KCNIP4: variants seen among roughly 807,000 people sequenced by gnomAD.
The protein encoded by KCNIP4 is Kv channel-interacting protein 4.
In KCNIP4, 12 loss-of-function variants were observed where a neutral mutation model predicts 34.0. That is an observed-to-expected ratio of 0.35 (90% CI 0.23 to 0.57). KCNIP4 has a LOEUF of 0.57. Ranked by LOEUF, KCNIP4 falls within the 20% of genes least tolerant of loss-of-function variation. KCNIP4 has a pLI of 0.83. For missense variants in KCNIP4, 238 were observed against 311.7 expected, an observed-to-expected ratio of 0.76 and a Z score of 1.78; for synonymous variants, 124 against 102.2, an observed-to-expected ratio of 1.21 and a Z score of -1.29.
chr4:21,277,832 G>C (rs1762531153), intron 1 of KCNIP4, among the ~76,000 whole-genome samples: 1 of 152,132 alleles, frequency 6.6e-6, no homozygotes, highest in African/African-American at 2.4e-5. Flanking sequence ...AACAGTGAAA[G>C]AAAAGAAATC....
chr4:21,055,353 C>T (rs1232419135), intron 1 of KCNIP4, among the ~76,000 whole-genome samples: 1 of 152,090 alleles, frequency 6.6e-6, no homozygotes, highest in Non-Finnish European at 1.5e-5. Flanking sequence ...TTTGGAAAAC[C>T]TTTTGGCAGT....
intron 1 of KCNIP4, among the ~76,000 whole-genome samples, chr4:21,419,985 G>T (rs560205547): frequency 1.5e-4 from 23 of 152,218 alleles, no homozygotes; most frequent in African/African-American, 5.1e-4. Flanking sequence ...TAAACAAAGA[G>T]ATTTCAGTTG....
At chr4:21,104,038 T>A (rs1404188343) in intron 1 of KCNIP4, among the ~76,000 whole-genome samples, 2 of 135,772 alleles carry the variant, frequency 1.5e-5, no homozygotes, top group African/African-American at 6.2e-5. Context: ...AGTGCCTCAA[T>A]AAACATACAT....
At chr4:20,851,505 T>C in intron 2 of KCNIP4, among the ~76,000 whole-genome samples, 1 of 152,208 alleles carries the variant, frequency 6.6e-6, no homozygotes, top group East Asian at 1.9e-4. Context: ...TGCAGGCATG[T>C]ATCTTTATAA....
chr4:21,003,542 C>T (rs1466441206), intron 1 of KCNIP4, among the ~76,000 whole-genome samples: 1 of 152,072 alleles, frequency 6.6e-6, no homozygotes, highest in East Asian at 1.9e-4. Flanking sequence ...TGAAAAGACA[C>T]AAAAAATAGA....
intron 1 of KCNIP4, among the ~76,000 whole-genome samples, chr4:20,953,606 C>T (rs143711817): frequency 0.014 from 2,083 of 152,040 alleles, 19 homozygotes; most frequent in Middle Eastern, 0.037. Context: ...TGGTTGAGCC[C>T]GGGAGGCAGA....
At chr4:21,568,033 C>G (rs1225071786) in intron 1 of KCNIP4, among the ~76,000 whole-genome samples, 1 of 152,114 alleles carries the variant, frequency 6.6e-6, no homozygotes, top group African/African-American at 2.4e-5. Flanking sequence ...CCCATGATAA[C>G]TTGCCCTGAG....
At position 21,364,577 on chromosome 4, in the gene KCNIP4, A is replaced by AT. The variant is rs548625086; in HGVS notation, c.62-481869dup. ...TCAGTTAGGATAGTATCTCATGATA[A>AT]TTTTTTTTTCTTTTTACAATATAGC... On this transcript the variant is annotated intron_variant, in intron 1 of 8. Coordinates refer to ENST00000382152, the MANE Select transcript of KCNIP4 (RefSeq NM_025221.6). Among the ~76,000 whole-genome samples, 925 of 151,728 alleles carry AT rather than the reference A, an allele frequency of 6.1e-3. 11 individuals carry two copies. Among genetic ancestry groups the AT allele is most frequent in the African/African-American group, 0.021 (888 of 41,408 alleles).
intron 1 of KCNIP4, among the ~76,000 whole-genome samples, chr4:21,710,227 C>T (rs150604963): frequency 6.6e-6 from 1 of 152,162 alleles, no homozygotes; most frequent in Non-Finnish European, 1.5e-5. Flanking sequence ...ATCCTCTGTG[C>T]CTTTTGAATG....
chr4:20,950,530 C>T (rs1732672336), intron 1 of KCNIP4, among the ~76,000 whole-genome samples: 1 of 152,104 alleles, frequency 6.6e-6, no homozygotes, highest in Admixed American at 6.5e-5. Context: ...AATCCCCAAG[C>T]CACTGAGAAG....
chr4:21,713,475 A>C (rs1347367541), intron 1 of KCNIP4, among the ~76,000 whole-genome samples: 1 of 152,192 alleles, frequency 6.6e-6, no homozygotes, highest in East Asian at 1.9e-4. Context: ...AAAATTACTA[A>C]TACATAATAG....
intron 1 of KCNIP4, among the ~76,000 whole-genome samples, chr4:21,621,124 G>A (rs1457986233): frequency 6.6e-6 from 1 of 152,012 alleles, no homozygotes; most frequent in Non-Finnish European, 1.5e-5. Flanking sequence ...CAATAAATAG[G>A]GAGTTTTGAG....
chr4:21,462,469 C>T (rs577516042), intron 1 of KCNIP4, among the ~76,000 whole-genome samples: 5 of 152,190 alleles, frequency 3.3e-5, no homozygotes, highest in Middle Eastern at 6.8e-3. Context: ...GACCTGCCCC[C>T]ATGATTCAAT....
At chr4:21,558,317 C>A (rs970606584) in intron 1 of KCNIP4, among the ~76,000 whole-genome samples, 148 of 152,064 alleles carry the variant, frequency 9.7e-4, no homozygotes, top group East Asian at 3.9e-4. Flanking sequence ...CATGGTGAAA[C>A]CCTGTCTCTA....
chr4:21,687,184 G>T (rs920660326), intron 1 of KCNIP4, among the ~76,000 whole-genome samples: 2 of 109,138 alleles, frequency 1.8e-5, no homozygotes, highest in African/African-American at 7.0e-5. Flanking sequence ...TGGGGGGAGG[G>T]GGGAGGGATA....
At chr4:21,519,697 TGTGTGTATGTATGTGTATATATACACAC>T (rs1735286659) in intron 1 of KCNIP4, among the ~76,000 whole-genome samples, 1 of 145,854 alleles carries the variant, frequency 6.9e-6, no homozygotes, top group South Asian at 2.2e-4. Flanking sequence ...TATACACACG[TGTGTGTATGTATGTGTATATATACACAC>T]GTGTGTATAT....
intron 1 of KCNIP4, among the ~76,000 whole-genome samples, chr4:21,024,470 G>C (rs1740354029): frequency 6.6e-6 from 1 of 152,084 alleles, no homozygotes; most frequent in Non-Finnish European, 1.5e-5. Flanking sequence ...ACCTTGAATC[G>C]TACTTATAGT....
chr4:21,066,659 G>A (rs945132917), intron 1 of KCNIP4, among the ~76,000 whole-genome samples: 1 of 152,258 alleles, frequency 6.6e-6, no homozygotes, highest in Non-Finnish European at 1.5e-5. Flanking sequence ...GTAACATGGG[G>A]TGGAAGTCAG....
intron 1 of KCNIP4, among the ~76,000 whole-genome samples, chr4:21,005,591 A>G (rs35881891): frequency 0.19 from 28,449 of 152,034 alleles, 2,990 homozygotes; most frequent in Non-Finnish European, 0.25. Flanking sequence ...TTTTCTACAT[A>G]TAACCTGCCT....
Sources: allele counts gnomAD v4.1 joint callset (sites outside exome capture counted in the v4.1 genomes callset), GRCh38; gene constraint gnomAD v4.1.1; transcripts MANE v1.5; gene names NCBI Gene and HGNC (gene_info 2026-07-23, HGNC 2026-07-21).